ZBED6: variants seen among roughly 807,000 people sequenced by gnomAD.
ZBED6 encodes zinc finger BED domain-containing protein 6.
ZBED6 carries 40 observed loss-of-function variants against 58.4 expected under a neutral mutation model. That is an observed-to-expected ratio of 0.68 (90% confidence interval 0.53 to 0.89). The LOEUF (loss-of-function observed/expected upper bound fraction) is 0.89, where lower values mean the gene tolerates loss of function less well. ZBED6 is among the 40% of genes least tolerant of loss of function. The pLI is 0.00. For synonymous variants in ZBED6, 439 were observed against 350.6 expected, an observed-to-expected ratio of 1.25 and a Z score of -2.82; for missense variants, 1,057 against 1,003.9, an observed-to-expected ratio of 1.05 and a Z score of -0.71.
chr1:203,838,091 T>G, intron 10 of ZBED6, 27 bp downstream of exon 10: 1 of 1,602,064 alleles, frequency 6.2e-7, no homozygotes, highest in Non-Finnish European at 8.5e-7. Context: ...ATACTTTGTG[T>G]GTGTATGTAA....
intron 1 of ZBED6, among the ~76,000 whole-genome samples, chr1:203,806,503 A>G (rs1672397235): frequency 6.6e-6 from 1 of 152,130 alleles, no homozygotes; most frequent in East Asian, 1.9e-4. Flanking sequence ...AGGTTTCACC[A>G]TGTTGGCCAG....
intron 10 of ZBED6, 32 bp from the exon 11 acceptor site, chr1:203,840,274 C>A: frequency 6.2e-7 from 1 of 1,607,348 alleles, no homozygotes; most frequent in Non-Finnish European, 8.5e-7. Flanking sequence ...TTCTGTTCAA[C>A]TTTTGATTTT....
At position 203,798,697 on chromosome 1, in the gene ZBED6, T is replaced by C. The variant is rs1423930507; in HGVS notation, c.1175T>C (p.Met392Thr). 5.2e-6 allele frequency: 8 copies of C among 1,536,020 alleles called. No homozygotes were observed. The highest frequency in any genetic ancestry group is 1.7e-4 in the Middle Eastern group (1 of 6,012). The stretch of plus-strand genomic sequence containing the variant: ...CCCGTTGCAGAGCAAGGCACTCTGA[T>C]GCGTGCGCAGGAGAGAGAAACAACA... Residue 392 changes from methionine (M) to threonine (T), a missense_variant, in exon 1 of 17, where the codon ATG (methionine) becomes ACG (threonine). Physicochemically the swap from Met to Thr is moderately conservative, Grantham distance 81 (BLOSUM62 -1). Transcript: ENST00000550078.
At chr1:203,798,494 CAGT>C (rs1558087021) in exon 1 of ZBED6, 7 of 1,536,110 alleles carry the variant, frequency 4.6e-6, no homozygotes, top group South Asian at 1.2e-5. Flanking sequence ...CCAACAAAGA[CAGT>C]GGTGCTGTTG....
intron 9 of ZBED6, 32 bp downstream of exon 9, chr1:203,833,885 T>A (rs1171474305): frequency 5.0e-6 from 8 of 1,589,828 alleles, no homozygotes; most frequent in Non-Finnish European, 6.8e-6. Flanking sequence ...TCTTTTCTTT[T>A]CTACTTGTTT....
intron 2 of ZBED6, among the ~76,000 whole-genome samples, chr1:203,818,214 C>T (rs1037868068): frequency 6.6e-6 from 1 of 151,224 alleles, no homozygotes; most frequent in African/African-American, 2.4e-5. Context: ...ATTCTATTTA[C>T]TTTCTGATTT....
exon 14 of ZBED6, chr1:203,849,824 A>G (rs1572376146): frequency 1.2e-6 from 2 of 1,613,878 alleles, no homozygotes; most frequent in African/African-American, 1.3e-5. Flanking sequence ...CAGTCTTGAC[A>G]CCTCTTCGGG....
intron 9 of ZBED6, among the ~76,000 whole-genome samples, chr1:203,837,439 C>A (rs1197948157): frequency 2.0e-5 from 3 of 149,768 alleles, no homozygotes; most frequent in Non-Finnish European, 3.0e-5. Flanking sequence ...ATTTTTTGTT[C>A]TTTCCCTTGT....
chr1:203,814,430 G>A (rs1012856500), intron 1 of ZBED6, among the ~76,000 whole-genome samples: 6 of 152,036 alleles, frequency 3.9e-5, no homozygotes, highest in East Asian at 1.9e-4. Context: ...AGACTGAGGC[G>A]GGAGAATTGC....
chr1:203,819,995 A>C (rs1558112387), intron 3 of ZBED6, among the ~76,000 whole-genome samples: 1 of 151,474 alleles, frequency 6.6e-6, no homozygotes, highest in Non-Finnish European at 1.5e-5. Context: ...CCAGCACTTT[A>C]CTAGGCTGAG....
chr1:203,824,007 G>A (rs1458085235), intron 3 of ZBED6, among the ~76,000 whole-genome samples: 1 of 152,130 alleles, frequency 6.6e-6, no homozygotes, highest in African/African-American at 2.4e-5. Context: ...CGTGGCTCAT[G>A]CCTGTAATCT....
chr1:203,821,287 A>T (rs66989691), intron 3 of ZBED6, among the ~76,000 whole-genome samples: 1 of 151,984 alleles, frequency 6.6e-6, no homozygotes, highest in Non-Finnish European at 1.5e-5. Context: ...CTCCCCAGCC[A>T]TGCAGAACTG....
chr1:203,825,264 T>A (rs1558118850), intron 3 of ZBED6, among the ~76,000 whole-genome samples: 1 of 152,096 alleles, frequency 6.6e-6, no homozygotes, highest in Non-Finnish European at 1.5e-5. Context: ...CTATTTCCCT[T>A]AGGAATAATG....
intron 15 of ZBED6, 55 bp from the exon 16 acceptor site, chr1:203,851,002 T>TTTTCAG: frequency 6.3e-7 from 1 of 1,581,502 alleles, no homozygotes; most frequent in Non-Finnish European, 8.6e-7. Flanking sequence ...AAAATGAATA[T>TTTTCAG]GCTCAAATTA....
intron 9 of ZBED6, 151 bp downstream of exon 9, chr1:203,834,004 A>G (rs1393990136): frequency 1.5e-6 from 2 of 1,315,762 alleles, no homozygotes; most frequent in Non-Finnish European, 9.7e-7. Flanking sequence ...TCATGAGTGC[A>G]TTATACCTTT....
intron 9 of ZBED6, among the ~76,000 whole-genome samples, chr1:203,836,750 TG>T (rs1684476563): frequency 6.6e-6 from 1 of 152,182 alleles, no homozygotes; most frequent in African/African-American, 2.4e-5. Flanking sequence ...CACTCCAGCC[TG>T]GGCGAAAGAA....
exon 1 of ZBED6, chr1:203,797,589 A>C: frequency 3.9e-6 from 6 of 1,534,360 alleles, no homozygotes; most frequent in Non-Finnish European, 5.2e-6. Flanking sequence ...CAACACTTTT[A>C]GTGATTCTGG....
exon 1 of ZBED6, chr1:203,800,002 A>C: frequency 2.6e-6 from 4 of 1,536,114 alleles, no homozygotes; most frequent in Non-Finnish European, 3.5e-6. Flanking sequence ...GTGGGAGCTG[A>C]TTCATTTACC....
chr1:203,848,352 T>A, exon 13 of ZBED6: 1 of 1,612,964 alleles, frequency 6.2e-7, no homozygotes, highest in Non-Finnish European at 8.5e-7. Flanking sequence ...GAGAAGAACC[T>A]TCAGGAAGGA....
Sources: allele counts gnomAD v4.1 joint callset (sites outside exome capture counted in the v4.1 genomes callset), GRCh38; gene constraint gnomAD v4.1.1; transcripts MANE v1.5; gene names NCBI Gene and HGNC (gene_info 2026-07-23, HGNC 2026-07-21).